The following RBFOX1 variants were observed in gnomAD, a reference collection of about 807,000 sequenced individuals.
The protein encoded by RBFOX1 is RNA binding fox-1 homolog 1, also known as RNA binding protein fox-1 homolog 1.
RBFOX1 carries 8 observed loss-of-function variants against 57.7 expected under a neutral mutation model. The observed-to-expected ratio is 0.14, with a 90% CI of 0.08 to 0.25. The LOEUF (loss-of-function observed/expected upper bound fraction) is 0.25. Among genes scored for constraint, RBFOX1 ranks in the 10% least tolerant of loss-of-function variants. The pLI is 1.00. For missense variants in RBFOX1, 611 were observed against 548.5 expected (o/e 1.11, Z -1.14); for synonymous variants, 326 against 222.4 (o/e 1.47, Z -4.15).
chr16:6,496,328 C>G (rs144695021), intron 2 of RBFOX1, among the ~76,000 whole-genome samples: 68 of 152,280 alleles, frequency 4.5e-4, no homozygotes, highest in African/African-American at 1.5e-3. Flanking sequence ...TCTTCATTCA[C>G]AGGCTTCAAC....
intron 1 of RBFOX1, among the ~76,000 whole-genome samples, chr16:6,161,347 C>T (rs566049701): frequency 5.2e-4 from 78 of 151,084 alleles, no homozygotes; most frequent in African/African-American, 1.8e-3. Context: ...GAAGATTGTG[C>T]CACTGCACTC....
At chr16:6,311,600 G>A (rs1254799286) in intron 1 of RBFOX1, among the ~76,000 whole-genome samples, 1 of 152,214 alleles carries the variant, frequency 6.6e-6, no homozygotes, top group East Asian at 1.9e-4. Context: ...CAGGTTTACA[G>A]TAACATTACG....
intron 5 of RBFOX1, among the ~76,000 whole-genome samples, chr16:7,541,005 G>GA (rs1200134204): frequency 9.2e-5 from 14 of 152,166 alleles, no homozygotes; most frequent in African/African-American, 3.4e-4. Flanking sequence ...GTTCAAGTGA[G>GA]AGACACATTA....
intron 3 of RBFOX1, among the ~76,000 whole-genome samples, chr16:6,830,652 T>TA (rs1368254311): frequency 2.6e-5 from 4 of 152,174 alleles, no homozygotes; most frequent in Non-Finnish European, 5.9e-5. Flanking sequence ...GAACAGCTCT[T>TA]ACACAAAGAC....
At chr16:6,867,658 G>A (rs148096232) in intron 3 of RBFOX1, among the ~76,000 whole-genome samples, 2 of 152,164 alleles carry the variant, frequency 1.3e-5, no homozygotes, top group Admixed American at 6.5e-5. Flanking sequence ...GGCAGAGGTT[G>A]CAGTGAGTGC....
chr16:6,273,880 C>T (rs2075507918), intron 1 of RBFOX1, among the ~76,000 whole-genome samples: 1 of 151,900 alleles, frequency 6.6e-6, no homozygotes, highest in South Asian at 2.1e-4. Context: ...AAGCAGTGAG[C>T]AAAGGACATG....
intron 4 of RBFOX1, among the ~76,000 whole-genome samples, chr16:7,408,442 C>G (rs1316942467): frequency 6.6e-6 from 1 of 152,198 alleles, no homozygotes; most frequent in African/African-American, 2.4e-5. Flanking sequence ...AACAGTGCAT[C>G]TCTGAAAATA....
chr16:7,297,820 C>A (rs959518424), intron 4 of RBFOX1, among the ~76,000 whole-genome samples: 1 of 151,566 alleles, frequency 6.6e-6, no homozygotes. Flanking sequence ...AAATTGAAAT[C>A]CCCCCCAATA....
intron 3 of RBFOX1, among the ~76,000 whole-genome samples, chr16:6,699,396 G>T (rs1390298025): frequency 6.6e-6 from 1 of 151,778 alleles, no homozygotes; most frequent in Non-Finnish European, 1.5e-5. Flanking sequence ...TGCAAAAGTG[G>T]TGTCTTTCAG....
At chr16:5,599,399 C>T (rs2047292881) in exon 3 of RBFOX1, 8 of 583,902 alleles carry the variant, frequency 1.4e-5, no homozygotes, top group South Asian at 1.3e-4. Flanking sequence ...TGGCATTGGG[C>T]TTGGAGTCAC....
At chr16:7,132,068 T>G (rs1313474853) in intron 4 of RBFOX1, among the ~76,000 whole-genome samples, 1 of 149,076 alleles carries the variant, frequency 6.7e-6, no homozygotes, top group African/African-American at 2.5e-5. Flanking sequence ...ATCAGGTCAC[T>G]GCAACCTCTG....
At chr16:7,071,202 A>G (rs1021019215) in intron 4 of RBFOX1, among the ~76,000 whole-genome samples, 12 of 152,174 alleles carry the variant, frequency 7.9e-5, no homozygotes, top group African/African-American at 2.9e-4. Flanking sequence ...CAGAGGAATT[A>G]GATTATTCTA....
At chr16:7,684,682 T>G in intron 14 of RBFOX1, among the ~76,000 whole-genome samples, 1 of 152,040 alleles carries the variant, frequency 6.6e-6, no homozygotes, top group East Asian at 1.9e-4. Context: ...TTGCCTTTCA[T>G]GGTTTCAATT....
chr16:7,028,855 T>A (rs1384665558), intron 3 of RBFOX1, among the ~76,000 whole-genome samples: 2 of 150,730 alleles, frequency 1.3e-5, no homozygotes, highest in Non-Finnish European at 2.9e-5. Flanking sequence ...GGTGTGGGCA[T>A]CGCTTGGATC....
chr16:5,588,749 G>T (rs1354971091), intron 2 of RBFOX1, among the ~76,000 whole-genome samples: 2 of 152,146 alleles, frequency 1.3e-5, no homozygotes, highest in African/African-American at 4.8e-5. Flanking sequence ...TTGACTGAGG[G>T]TCGGGGGGAA....
chr16:7,529,940 C>T (rs906199695), intron 5 of RBFOX1, among the ~76,000 whole-genome samples: 3 of 142,850 alleles, frequency 2.1e-5, no homozygotes, highest in South Asian at 2.2e-4. Flanking sequence ...ATGCAGGAGG[C>T]GGAGGTTGCA....
At chr16:7,327,877 T>C (rs1441870798) in intron 4 of RBFOX1, among the ~76,000 whole-genome samples, 1 of 152,138 alleles carries the variant, frequency 6.6e-6, no homozygotes, top group African/African-American at 2.4e-5. Flanking sequence ...TTCTGTGGAC[T>C]GGACTTGGTC....
chr16:5,727,539 C>G (rs1312310387), intron 3 of RBFOX1, among the ~76,000 whole-genome samples: 1 of 152,124 alleles, frequency 6.6e-6, no homozygotes, highest in Non-Finnish European at 1.5e-5. Flanking sequence ...CAATACAGTG[C>G]TATTATGTAG....
chr16:5,469,264 C>G (rs2069053544), intron 2 of RBFOX1, among the ~76,000 whole-genome samples: 1 of 152,140 alleles, frequency 6.6e-6, no homozygotes, highest in Non-Finnish European at 1.5e-5. Flanking sequence ...AGCACCTGTG[C>G]TCATTCCCCA....
Sources: allele counts gnomAD v4.1 joint callset (sites outside exome capture counted in the v4.1 genomes callset), GRCh38; gene constraint gnomAD v4.1.1; transcripts MANE v1.5; gene names NCBI Gene and HGNC (gene_info 2026-07-23, HGNC 2026-07-21).